The following CFAP61 variants were observed in gnomAD, a reference collection of about 807,000 sequenced individuals.
CFAP61 encodes cilia- and flagella-associated protein 61.
A neutral mutation model predicts 135.6 loss-of-function variants in CFAP61; 107 were observed. That is an observed-to-expected ratio of 0.79 (90% CI 0.67 to 0.93). The LOEUF is 0.93. Among genes scored for constraint, CFAP61 ranks in the 40% least tolerant of loss-of-function variants. CFAP61 has a pLI of 0.00. For synonymous variants in CFAP61, 575 were observed against 578.5 expected (o/e 0.99, Z 0.09); for missense variants, 1,507 against 1,556.2 (o/e 0.97, Z 0.53).
At chr20:20,290,675 G>A (rs919891577) in intron 24 of CFAP61, among the ~76,000 whole-genome samples, 15 of 152,206 alleles carry the variant, frequency 9.9e-5, no homozygotes, top group African/African-American at 2.7e-4. Context: ...AGAAAGATAC[G>A]ACAGCTTCCA....
At position 20,069,963 on chromosome 20, in the gene CFAP61, A is replaced by G. The variant is rs918730027; in HGVS notation, c.144-891A>G. The G allele has an allele frequency of 2.9e-5, 8 of 276,188 alleles. 1 individual carries two copies. The highest frequency in any genetic ancestry group is 2.6e-4 in the South Asian group (7 of 27,368). The allele number at this position is 276,188 out of a possible 1,614,324, so 17.1% of individuals were successfully genotyped here. ...TAACTATTTCTTCCTCCAACTTAAG[A>G]TGCCAGTAGATTTCATTTCACTAAG... is the stretch of plus-strand genomic sequence containing the variant. On this transcript the variant is annotated intron_variant, in intron 2 of 26. Transcript: ENST00000245957.
chr20:20,171,935 G>A, intron 13 of CFAP61: 2 of 519,036 alleles, frequency 3.9e-6, no homozygotes, highest in South Asian at 6.6e-5. Flanking sequence ...CCACAGGGAA[G>A]GGTGGAATGA....
At chr20:20,062,857 T>C (rs898365250) in intron 2 of CFAP61, among the ~76,000 whole-genome samples, 1 of 152,198 alleles carries the variant, frequency 6.6e-6, no homozygotes, top group Non-Finnish European at 1.5e-5. Flanking sequence ...CGTTAGGATA[T>C]CTGTGGTAAA....
At chr20:20,153,830 G>A (rs1293598456) in intron 9 of CFAP61, among the ~76,000 whole-genome samples, 3 of 151,980 alleles carry the variant, frequency 2.0e-5, no homozygotes, top group Non-Finnish European at 2.9e-5. Flanking sequence ...AGAAGATAAA[G>A]AAAGAGGTAA....
chr20:20,244,151 A>G (rs575823086), intron 18 of CFAP61, among the ~76,000 whole-genome samples: 34 of 152,164 alleles, frequency 2.2e-4, no homozygotes, highest in African/African-American at 7.7e-4. Context: ...TTTTCCAGAC[A>G]TACAGTGCAA....
chr20:20,091,386 T>C (rs984965880), intron 7 of CFAP61, among the ~76,000 whole-genome samples: 5 of 152,176 alleles, frequency 3.3e-5, no homozygotes, highest in African/African-American at 1.2e-4. Context: ...AGTTTCACAC[T>C]TAAAGAAAGT....
chr20:20,351,530 C>T (rs1194241934), intron 26 of CFAP61, among the ~76,000 whole-genome samples: 5 of 149,372 alleles, frequency 3.3e-5, no homozygotes, highest in Middle Eastern at 3.4e-3. Context: ...TGCAGTGAGC[C>T]GAGATCATGC....
At chr20:20,193,786 G>A (rs1166781969) in intron 15 of CFAP61, among the ~76,000 whole-genome samples, 1 of 152,060 alleles carries the variant, frequency 6.6e-6, no homozygotes, top group Admixed American at 6.6e-5. Context: ...GCTAATTTTT[G>A]TATTTTTAGT....
chr20:20,238,196 T>C lies in CFAP61; in HGVS notation c.2061-7921T>C, dbSNP rs541752541. Among the ~76,000 whole-genome samples, 8 of 152,352 alleles carry C rather than the reference T, an allele frequency of 5.3e-5. No individual in the cohort carries two copies. In the South Asian group the frequency reaches 1.7e-3, roughly 32 times the overall value. ...TGTGTACTTAACAATAAATATTTTG[T>C]GTGGATTTGTTTTGCCTCTGATATT... On this transcript the variant is annotated intron_variant, in intron 18 of 26. Coordinates refer to ENST00000245957, the MANE Select transcript of CFAP61 (RefSeq NM_015585.4).
chr20:20,178,144 G>A (rs2054776957), intron 13 of CFAP61, among the ~76,000 whole-genome samples: 1 of 152,176 alleles, frequency 6.6e-6, no homozygotes. Flanking sequence ...TCTGTCATTA[G>A]TGATGGCTAC....
At chr20:20,148,080 C>G (rs1031011952) in intron 9 of CFAP61, among the ~76,000 whole-genome samples, 2 of 152,060 alleles carry the variant, frequency 1.3e-5, no homozygotes, top group African/African-American at 4.8e-5. Context: ...GGCTTTATTT[C>G]TGGGTTCTCT....
intron 9 of CFAP61, among the ~76,000 whole-genome samples, chr20:20,147,862 T>C (rs1277050646): frequency 6.6e-6 from 1 of 152,194 alleles, no homozygotes; most frequent in Non-Finnish European, 1.5e-5. Context: ...AATGTTATCT[T>C]CTAGAATTTT....
At chr20:20,164,352 AT>A in intron 11 of CFAP61, 124 bp downstream of exon 11, 1 of 958,790 alleles carries the variant, frequency 1.0e-6, no homozygotes, top group Non-Finnish European at 1.5e-6. Flanking sequence ...CTCCTGGGGA[AT>A]TTTTTAAAAC....
At chr20:20,074,529 A>G (rs2045930188) in intron 4 of CFAP61, 151 bp downstream of exon 4, 4 of 673,198 alleles carry the variant, frequency 5.9e-6, no homozygotes, top group Admixed American at 2.5e-5. Flanking sequence ...TAGCAATGAT[A>G]TTTCTGAAAG....
intron 8 of CFAP61, among the ~76,000 whole-genome samples, chr20:20,111,926 T>C (rs2048828907): frequency 6.6e-6 from 1 of 152,178 alleles, no homozygotes; most frequent in Non-Finnish European, 1.5e-5. Context: ...CCACTAGAGT[T>C]TTGGAATATA....
chr20:20,265,211 A>G (rs2052609679), intron 21 of CFAP61, among the ~76,000 whole-genome samples: 1 of 152,230 alleles, frequency 6.6e-6, no homozygotes, highest in South Asian at 2.1e-4. Flanking sequence ...CAATCCTGTC[A>G]GCCTGCAGTG....
intron 22 of CFAP61, among the ~76,000 whole-genome samples, chr20:20,283,190 C>A (rs2054330799): frequency 6.6e-6 from 1 of 151,988 alleles, no homozygotes; most frequent in Non-Finnish European, 1.5e-5. Flanking sequence ...CCTTTTAATT[C>A]TTTTGATTTT....
intron 25 of CFAP61, among the ~76,000 whole-genome samples, chr20:20,331,998 C>G (rs1298034917): frequency 6.6e-6 from 1 of 152,228 alleles, no homozygotes; most frequent in Non-Finnish European, 1.5e-5. Flanking sequence ...ACTATTAGTG[C>G]TGAACTTATA....
chr20:20,168,052 A>G (rs1206636903), intron 12 of CFAP61, among the ~76,000 whole-genome samples: 2 of 152,234 alleles, frequency 1.3e-5, no homozygotes, highest in African/African-American at 2.4e-5. Flanking sequence ...TGAAGTTTAT[A>G]TGATAATATC....
Sources: gnomAD v4.1 joint callset for allele counts (sites outside exome capture counted in the v4.1 genomes callset) on GRCh38, gnomAD v4.1.1 for gene constraint, MANE v1.5 for transcripts, NCBI Gene and HGNC (gene_info 2026-07-23, HGNC 2026-07-21) for gene names.